The following TCERG1L variants were observed in gnomAD, a reference collection of about 807,000 sequenced individuals.
TCERG1L encodes the protein transcription elongation regulator 1 like.
A neutral mutation model predicts 56.3 loss-of-function variants in TCERG1L; 37 were observed. The observed-to-expected ratio is 0.66, with a 90% CI of 0.51 to 0.87. The LOEUF (loss-of-function observed/expected upper bound fraction) is 0.87, where lower values mean the gene tolerates loss of function less well. Ranked by LOEUF, TCERG1L falls within the 40% of genes least tolerant of loss-of-function variation. The probability of loss-of-function intolerance (pLI) is 0.00; values close to 1 mark genes in which losing one functional copy is unlikely to be tolerated. For missense variants in TCERG1L, 799 were observed against 774.2 expected, an observed-to-expected ratio of 1.03 and a Z score of -0.38; for synonymous variants, 324 against 326.3, an observed-to-expected ratio of 0.99 and a Z score of 0.08.
At chr10:131,241,543 C>G (rs1375921913) in intron 4 of TCERG1L, among the ~76,000 whole-genome samples, 1 of 150,028 alleles carries the variant, frequency 6.7e-6, no homozygotes, top group East Asian at 2.0e-4. Flanking sequence ...GTGGATAGCG[C>G]AATATAAAAA....
Position 131,276,409 on chromosome 10 carries a change from G to T in TCERG1L, c.671-15965C>A, listed in dbSNP as rs1846393899. ...ACAACAACAAAAGTTTTGTGAAGAG[G>T]TTCTTTAATGCATTAAGCAAAACTC... On this transcript the variant is annotated intron_variant, in intron 3 of 11. Coordinates refer to ENST00000368642, the MANE Select transcript of TCERG1L (RefSeq NM_174937.4). Among the ~76,000 whole-genome samples the T allele has an allele frequency of 2.0e-5, 3 of 152,340 alleles. No individual in the cohort carries two copies. In the South Asian group the frequency reaches 6.2e-4, roughly 32 times the overall value.
At chr10:131,200,047 A>G (rs1367741135) in intron 4 of TCERG1L, among the ~76,000 whole-genome samples, 5 of 151,930 alleles carry the variant, frequency 3.3e-5, no homozygotes, top group Non-Finnish European at 7.4e-5. Flanking sequence ...ACTTTTCCCG[A>G]CAGCTCTCCC....
intron 4 of TCERG1L, among the ~76,000 whole-genome samples, chr10:131,169,930 A>C (rs888065483): frequency 3.1e-5 from 4 of 127,750 alleles, no homozygotes; most frequent in African/African-American, 1.6e-4. Flanking sequence ...TATTGAAAAC[A>C]GTTGATCTTG....
chr10:131,176,260 GCA>G (rs1163969470), intron 4 of TCERG1L, among the ~76,000 whole-genome samples: 1 of 146,822 alleles, frequency 6.8e-6, no homozygotes, highest in South Asian at 2.1e-4. Flanking sequence ...AGAGACGGAT[GCA>G]CACACAGACA....
intron 7 of TCERG1L, among the ~76,000 whole-genome samples, chr10:131,144,945 T>A (rs1312784562): frequency 6.6e-6 from 1 of 152,176 alleles, no homozygotes; most frequent in East Asian, 1.9e-4. Context: ...TGCAGATGCC[T>A]CCCTACCTCT....
At chr10:131,225,831 T>G (rs1845785731) in intron 4 of TCERG1L, among the ~76,000 whole-genome samples, 1 of 152,086 alleles carries the variant, frequency 6.6e-6, no homozygotes, top group East Asian at 1.9e-4. Context: ...GTTTCAAAAT[T>G]ATTCAAAATT....
intron 4 of TCERG1L, among the ~76,000 whole-genome samples, chr10:131,239,772 C>G (rs371937738): frequency 2.5e-4 from 38 of 152,328 alleles, no homozygotes; most frequent in East Asian, 1.2e-3. Flanking sequence ...TAAAGGGGAT[C>G]GTATCCTTTT....
chr10:131,173,711 G>A (rs1199652582), intron 4 of TCERG1L, among the ~76,000 whole-genome samples: 1 of 152,240 alleles, frequency 6.6e-6, no homozygotes, highest in Non-Finnish European at 1.5e-5. Flanking sequence ...AATGGAAGGG[G>A]TGCCATGTAG....
rs201393015 is a variant in TCERG1L, at chr10:131,297,111, C to T, written c.670+11100G>A. On this transcript the variant is annotated intron_variant, in intron 3 of 11. Coordinates refer to ENST00000368642, the MANE Select transcript of TCERG1L (RefSeq NM_174937.4). Reference sequence around the variant, plus strand: ...TGCCTTGTTGCATAACTAGGGCTCCCGTCACAAATCCTTGCCTTGTTTTTC... The same window carrying T: ...TGCCTTGTTGCATAACTAGGGCTCCTGTCACAAATCCTTGCCTTGTTTTTC... Among the ~76,000 whole-genome samples the T allele has an allele frequency of 1.3e-4, 20 of 152,218 alleles. No individual in the cohort carries two copies. The East Asian group carries it at 2.3e-3, about 18-fold the overall frequency.
intron 11 of TCERG1L, among the ~76,000 whole-genome samples, chr10:131,096,272 C>T (rs1194199592): frequency 1.3e-5 from 2 of 152,206 alleles, no homozygotes; most frequent in Non-Finnish European, 2.9e-5. Flanking sequence ...AGAGCCCTTG[C>T]CTCCTCCGCC....
At chr10:131,161,330 A>G (rs1167430821) in intron 6 of TCERG1L, 4 of 152,194 alleles carry the variant, frequency 2.6e-5, no homozygotes. Flanking sequence ...GGCCTGTGTG[A>G]GCACACCCTG....
In TCERG1L at chr10:131,146,284, C is replaced by T. The variant is rs140785727; in HGVS notation, c.1189+222G>A. ...GGCCATCTCTGCGTTAATCACCTTA[C>T]GTGATGCAAAAAGACAGCCAGAGCC... On this transcript the variant is annotated intron_variant, in intron 7 of 11. Transcript: ENST00000368642. Among the ~76,000 whole-genome samples, 494 of 152,294 alleles carry T rather than the reference C, an allele frequency of 3.2e-3. 1 individual carries two copies. Among genetic ancestry groups the T allele is most frequent in the Middle Eastern group, 0.014 (4 of 294 alleles).
chr10:131,230,895 A>G (rs1845842841), intron 4 of TCERG1L, among the ~76,000 whole-genome samples: 1 of 152,046 alleles, frequency 6.6e-6, no homozygotes, highest in Non-Finnish European at 1.5e-5. Flanking sequence ...CTTGCAGGCC[A>G]GCACAAAGGG....
At chr10:131,127,451 G>A (rs1216908159) in intron 8 of TCERG1L, among the ~76,000 whole-genome samples, 1 of 152,256 alleles carries the variant, frequency 6.6e-6, no homozygotes, top group Non-Finnish European at 1.5e-5. Flanking sequence ...GCAGACGTGA[G>A]CAGAAGCCTT....
At chr10:131,098,227 A>G in intron 11 of TCERG1L, 79 bp downstream of exon 11, 1 of 1,469,238 alleles carries the variant, frequency 6.8e-7, no homozygotes, top group Non-Finnish European at 9.1e-7. Flanking sequence ...CGATTTAACA[A>G]AAACAAACCT....
intron 4 of TCERG1L, among the ~76,000 whole-genome samples, chr10:131,199,494 G>C (rs1199058789): frequency 1.3e-5 from 2 of 152,080 alleles, no homozygotes; most frequent in East Asian, 3.9e-4. Context: ...CCCAGTTCTT[G>C]GCCACATTAT....
At chr10:131,253,162 C>G (rs910470460) in intron 4 of TCERG1L, among the ~76,000 whole-genome samples, 28 of 152,164 alleles carry the variant, frequency 1.8e-4, no homozygotes, top group African/African-American at 6.3e-4. Context: ...CTCTTCAGCA[C>G]CAGGAGCCCG....
intron 4 of TCERG1L, among the ~76,000 whole-genome samples, chr10:131,186,915 T>C (rs915236653): frequency 2.0e-5 from 3 of 152,202 alleles, no homozygotes; most frequent in African/African-American, 7.2e-5. Flanking sequence ...TAATGGAAGG[T>C]GATATCAATG....
chr10:131,260,325 C>G lies in TCERG1L; in HGVS notation c.790G>C (p.Val264Leu). Residue 264 changes from valine (V) to leucine (L), a missense_variant, in exon 4 of 12, where the codon GTG (valine) becomes CTG (leucine). Transcript: ENST00000368642. The surrounding 1 kb of genome is among the most constrained non-coding windows in gnomAD (Gnocchi z 5.8). ...AAGGTCAGGAAGTGGCGCGGCTGCA[C>G]GCTGGAGGGGGACGGGCCCCGGAGG... ...ENLRGPSPSSVQPRHFLTLAP... is the reference protein window; with the variant it reads ...ENLRGPSPSSLQPRHFLTLAP... The G allele has an allele frequency of 6.9e-7, 1 of 1,458,182 alleles. No individual in the cohort carries two copies. The highest frequency in any genetic ancestry group is 9.0e-7 in the Non-Finnish European group (1 of 1,107,632). The allele number at this position is 1,458,182 out of a possible 1,614,324, so 90.3% of individuals were successfully genotyped here. A position where few individuals can be genotyped will look rare whatever the true frequency, so the allele number is the denominator to read the frequency against.
Sources: allele counts gnomAD v4.1 joint callset (sites outside exome capture counted in the v4.1 genomes callset), GRCh38; gene constraint gnomAD v4.1.1; non-coding constraint Gnocchi (gnomAD v3.1); transcripts MANE v1.5; gene names NCBI Gene and HGNC (gene_info 2026-07-23, HGNC 2026-07-21).